Variants in SLC38A4 observed in about 807,000 individuals in gnomAD.
SLC38A4 encodes the protein solute carrier family 38 member 4, also known as sodium-coupled neutral amino acid transporter 4.
Under a neutral mutation model 63.1 loss-of-function variants are expected in SLC38A4, and 20 were observed. The ratio of observed to expected loss-of-function variants is 0.32; its 90% confidence interval spans 0.22 to 0.46. SLC38A4 has a LOEUF of 0.46. Among genes scored for constraint, SLC38A4 ranks in the 20% least tolerant of loss-of-function variants. SLC38A4 has a pLI of 1.00. For missense variants in SLC38A4, 526 were observed against 663.6 expected (o/e 0.79, Z 2.28); for synonymous variants, 230 against 225.5 (o/e 1.02, Z -0.18).
At chr12:46,776,740 A>C (rs1362806684) in intron 13 of SLC38A4, among the ~76,000 whole-genome samples, 164 bp downstream of exon 13, 5 of 152,034 alleles carry the variant, frequency 3.3e-5, no homozygotes, top group African/African-American at 1.2e-4. Flanking sequence ...ATCAGGCCCC[A>C]TTTCCTCAGG....
chr12:46,776,863 C>A, intron 13 of SLC38A4, 41 bp downstream of exon 13: 1 of 1,571,890 alleles, frequency 6.4e-7, no homozygotes, highest in Non-Finnish European at 8.8e-7. Flanking sequence ...ACCAGCCTAA[C>A]AAGGATTTGC....
intron 2 of SLC38A4, among the ~76,000 whole-genome samples, chr12:46,796,479 G>A (rs965713658): frequency 6.6e-6 from 1 of 152,038 alleles, no homozygotes; most frequent in Non-Finnish European, 1.5e-5. Context: ...AGAGCGCATC[G>A]ATTAGCTTGG....
At chr12:46,830,644 C>T (rs952356646), upstream of SLC38A4, among the ~76,000 whole-genome samples, 4 of 152,154 alleles carry the variant, frequency 2.6e-5, no homozygotes, top group African/African-American at 9.7e-5. Context: ...CCTGCCCACC[C>T]GCCCCCGTCC....
Position 46,814,967 on chromosome 12 carries a change from T to A in SLC38A4, c.-305+10936A>T, listed in dbSNP as rs527828018. Among the ~76,000 whole-genome samples the A allele has an allele frequency of 1.3e-4, 20 of 151,978 alleles. No individual in the cohort carries two copies. In the South Asian group the frequency reaches 4.1e-3, roughly 32 times the overall value. On this transcript the variant is annotated intron_variant, in intron 1 of 16. Coordinates refer to ENST00000266579, the MANE Select transcript of SLC38A4 (RefSeq NM_018018.5). ...ACTTTATTAGGTCCAGTTTCACTCA[T>A]TCTTTGAGATTTAGAAATGAGGAGT...
chr12:46,800,318 T>C (rs1229720913), intron 2 of SLC38A4, among the ~76,000 whole-genome samples: 2 of 152,152 alleles, frequency 1.3e-5, no homozygotes, highest in Non-Finnish European at 2.9e-5. Flanking sequence ...TGTCATCACT[T>C]TTAGACTAAA....
At chr12:46,823,664 T>G (rs1052469880) in intron 1 of SLC38A4, among the ~76,000 whole-genome samples, 1 of 152,256 alleles carries the variant, frequency 6.6e-6, no homozygotes, top group Non-Finnish European at 1.5e-5. Context: ...AATATGTCTC[T>G]GAAATTCCAG....
chr12:46,787,005 C>T (rs148039689), intron 5 of SLC38A4, among the ~76,000 whole-genome samples: 15 of 152,320 alleles, frequency 9.8e-5, no homozygotes, highest in Non-Finnish European at 1.6e-4. Flanking sequence ...CCAACTATAT[C>T]CTGGAAAATG....
intron 7 of SLC38A4, among the ~76,000 whole-genome samples, 193 bp downstream of exon 7, chr12:46,784,349 T>G (rs1461678128): frequency 6.6e-6 from 1 of 152,172 alleles, no homozygotes; most frequent in Non-Finnish European, 1.5e-5. Flanking sequence ...ATATGTTATT[T>G]CATTCTTAGA....
At chr12:46,824,766 A>G (rs1939613824) in intron 1 of SLC38A4, among the ~76,000 whole-genome samples, 1 of 152,236 alleles carries the variant, frequency 6.6e-6, no homozygotes. Flanking sequence ...GCAGGTGGAG[A>G]TAATGATAAA....
At chr12:46,832,389 G>A (rs1303985220) in exon 1 of SLC38A4, 3 of 152,196 alleles carry the variant, frequency 2.0e-5, no homozygotes, top group Non-Finnish European at 2.9e-5. Flanking sequence ...GGGATGGATG[G>A]AGAGACCCTT....
At chr12:46,822,372 T>G (rs1422352830) in intron 1 of SLC38A4, among the ~76,000 whole-genome samples, 1 of 152,164 alleles carries the variant, frequency 6.6e-6, no homozygotes, top group Non-Finnish European at 1.5e-5. Flanking sequence ...AGTGGGTGGG[T>G]AACTGGAGAT....
At chr12:46,818,112 T>C (rs1046311658) in intron 1 of SLC38A4, among the ~76,000 whole-genome samples, 1 of 151,916 alleles carries the variant, frequency 6.6e-6, no homozygotes, top group African/African-American at 2.4e-5. Context: ...TCTGTCATTG[T>C]AGTAGGGAGA....
In SLC38A4 at chr12:46,779,854, T is replaced by C. The variant is rs1184606044; in HGVS notation, c.584A>G (p.Tyr195Cys). The change falls in exon 9 of 17, where the codon TAC becomes TGC. Residue 195 changes from tyrosine (Y) to cysteine (C), a missense_variant. Physicochemically the swap from Tyr to Cys is radical, Grantham distance 194. Transcript: ENST00000266579. The part of the protein sequence containing the change: ...MGLEENTGEW[Y>C]LNGNYLIIFV... ...TATGATGAGGTAGTTGCCATTGAGG[T>C]ACCATTCTCTAGAAGTGAGAGACAA... 2 of 1,612,008 alleles carry C rather than the reference T, an allele frequency of 1.2e-6. No individual in the cohort carries two copies. The highest frequency in any genetic ancestry group is 1.3e-5 in the African/African-American group (1 of 74,764).
chr12:46,803,234 C>CTTTCATATTT (rs1939166751), intron 2 of SLC38A4, among the ~76,000 whole-genome samples: 2 of 152,074 alleles, frequency 1.3e-5, no homozygotes, highest in African/African-American at 4.8e-5. Flanking sequence ...TATTTCTGAA[C>CTTTCATATTT]TTTCATATTT....
intron 1 of SLC38A4, among the ~76,000 whole-genome samples, 169 bp downstream of exon 1, chr12:46,825,734 C>T (rs148561976): frequency 2.6e-5 from 4 of 152,312 alleles, no homozygotes; most frequent in Admixed American, 6.5e-5. Flanking sequence ...GCACGAAACG[C>T]TTCTTAAAAG....
intron 3 of SLC38A4, among the ~76,000 whole-genome samples, chr12:46,791,907 A>T (rs1169766370): frequency 1.3e-5 from 2 of 152,090 alleles, no homozygotes; most frequent in Admixed American, 1.3e-4. Context: ...GATTCCAGGC[A>T]GTTGGAGCAG....
Position 46,766,348 on chromosome 12 carries a change from G to T in SLC38A4, c.*353C>A, listed in dbSNP as rs1196880732. ...CAAATGTTTGGTACTTTTTTAGGGGGTGCAGGATGAGGAGACGGCAGGGGA... is the reference window on the plus strand; with the variant it reads ...CAAATGTTTGGTACTTTTTTAGGGGTTGCAGGATGAGGAGACGGCAGGGGA... On this transcript the variant is annotated 3_prime_UTR_variant, in exon 17 of 17. Coordinates refer to ENST00000266579, the MANE Select transcript of SLC38A4 (RefSeq NM_018018.5). 1 of 461,232 alleles carries T rather than the reference G, an allele frequency of 2.2e-6. No homozygotes were observed. The highest frequency in any genetic ancestry group is 2.0e-5 in the African/African-American group (1 of 50,356). 28.6% of individuals were successfully genotyped at this position (461,232 alleles called of 1,614,324 possible). A position where few individuals can be genotyped will look rare whatever the true frequency, so the allele number is the denominator to read the frequency against.
intron 14 of SLC38A4, among the ~76,000 whole-genome samples, chr12:46,771,212 T>C (rs1266633741): frequency 6.6e-6 from 1 of 152,142 alleles, no homozygotes; most frequent in Non-Finnish European, 1.5e-5. Flanking sequence ...GATCTGCAAT[T>C]AGTGCTTATT....
intron 13 of SLC38A4, among the ~76,000 whole-genome samples, 158 bp from the exon 14 acceptor site, chr12:46,775,331 A>G (rs7313706): frequency 2.2e-3 from 333 of 152,218 alleles, no homozygotes; most frequent in African/African-American, 7.5e-3. Context: ...TTAGCTATGC[A>G]ACCTTCATTC....
Sources: gnomAD v4.1 joint callset for allele counts (sites outside exome capture counted in the v4.1 genomes callset) on GRCh38, gnomAD v4.1.1 for gene constraint, MANE v1.5 for transcripts, NCBI Gene and HGNC (gene_info 2026-07-23, HGNC 2026-07-21) for gene names.